Variants in TNRC18 observed in about 807,000 individuals in gnomAD.
TNRC18 encodes trinucleotide repeat-containing gene 18 protein.
A neutral mutation model predicts 226.7 loss-of-function variants in TNRC18; 69 were observed. The ratio of observed to expected loss-of-function variants is 0.30; its 90% CI spans 0.25 to 0.37. TNRC18 has a LOEUF of 0.37. Among genes scored for constraint, TNRC18 ranks in the 10% least tolerant of loss-of-function variants. The pLI, the probability that TNRC18 is intolerant of heterozygous loss-of-function variation, is 1.00. For synonymous variants in TNRC18, 2,449 were observed against 1,927.6 expected (o/e 1.27, Z -7.09); for missense variants, 4,754 against 4,256.6 (o/e 1.12, Z -3.25).
At chr7:5,352,169 G>GGTTTAATAAAAC in intron 16 of TNRC18, 75 bp from the exon 17 acceptor site, 2 of 1,441,640 alleles carry the variant, frequency 1.4e-6, no homozygotes, top group Non-Finnish European at 1.9e-6. Flanking sequence ...TGGTTTTAAT[G>GGTTTAATAAAAC]GTTCTGAGAA....
rs746119050 is a variant in TNRC18, at chr7:5,376,044, G to A, written c.2789C>T (p.Ala930Val). The A allele has an allele frequency of 5.6e-6, 9 of 1,593,550 alleles. No individual in the cohort carries two copies. The highest frequency in any genetic ancestry group is 3.4e-5 in the South Asian group (3 of 87,764). Reference protein sequence around the residue: ...AAQALELQRSAQLVQERLKAQ... With the variant: ...AAQALELQRSVQLVQERLKAQ... ...TCCTCCCCGACTTACCACGAGCTGGGCGCTCCTCTGCAGTTCCAAGGCCTG... is the reference window on the plus strand; with the variant it reads ...TCCTCCCCGACTTACCACGAGCTGGACGCTCCTCTGCAGTTCCAAGGCCTG... Residue 930 changes from alanine (A) to valine (V), a missense_variant, in exon 9 of 30, where the codon GCC becomes GTC. Ala to Val is a moderately conservative substitution (Grantham distance 64). Transcript: ENST00000430969.
Position 5,315,157 on chromosome 7 carries a change from C to A in TNRC18, c.6863-9G>T. 1 of 1,610,118 alleles carries A rather than the reference C, an allele frequency of 6.2e-7. No homozygotes were observed. The highest frequency in any genetic ancestry group is 8.5e-7 in the Non-Finnish European group (1 of 1,178,788). On this transcript the variant is annotated splice_polypyrimidine_tract_variant and intron_variant, in intron 25 of 29. Transcript: ENST00000430969. ...CGGGGACGGCTCAGCACCTGTGGGG[C>A]AGAGGACAGAGTGGCTCATCAGGCC...
At chr7:5,423,003 G>A (rs1048078046) in intron 1 of TNRC18, 1 of 152,244 alleles carries the variant, frequency 6.6e-6, no homozygotes, top group Non-Finnish European at 1.5e-5. Flanking sequence ...CCCTCACACT[G>A]GCAAAGAAGC....
chr7:5,338,636 A>G (rs1185086458), intron 18 of TNRC18, among the ~76,000 whole-genome samples: 1 of 150,526 alleles, frequency 6.6e-6, no homozygotes, highest in East Asian at 2.0e-4. Flanking sequence ...AAAAAAAAAA[A>G]AGAGCTCGGC....
chr7:5,404,842 G>A (rs896229446), intron 2 of TNRC18, among the ~76,000 whole-genome samples: 15 of 151,828 alleles, frequency 9.9e-5, no homozygotes, highest in Non-Finnish European at 1.6e-4. Context: ...GGCGGAGCAC[G>A]GTAGCTCATG....
At chr7:5,316,142 G>GA in intron 24 of TNRC18, 70 bp from the exon 25 acceptor site, 1 of 1,254,824 alleles carries the variant, frequency 8.0e-7, no homozygotes, top group Non-Finnish European at 1.1e-6. Context: ...CAAGGGTCAG[G>GA]ATGGCAGAAA....
In TNRC18 at chr7:5,421,772, G is replaced by A. The variant is rs926926559; in HGVS notation, c.-243-283C>T. 7.9e-5 allele frequency among the ~76,000 whole-genome samples: 12 copies of A among 152,198 alleles called. 1 individual carries two copies. The highest frequency in any genetic ancestry group is 4.6e-4 in the Admixed American group (7 of 15,290). On this transcript the variant is annotated intron_variant, in intron 1 of 29. Transcript: ENST00000430969. Reference sequence around the variant, plus strand: ...CCGGACTCTGCCTCGGCGGCTGCCGGGTCCTCCCGAAACCGGGGAGGGCTC... The same window carrying A: ...CCGGACTCTGCCTCGGCGGCTGCCGAGTCCTCCCGAAACCGGGGAGGGCTC...
At chr7:5,404,432 C>T (rs1438529878) in intron 2 of TNRC18, among the ~76,000 whole-genome samples, 1 of 152,274 alleles carries the variant, frequency 6.6e-6, no homozygotes, top group East Asian at 1.9e-4. Context: ...TAAACTCCAT[C>T]GAAATTTCAA....
intron 18 of TNRC18, among the ~76,000 whole-genome samples, chr7:5,343,168 A>C (rs778651577): frequency 3.9e-5 from 6 of 152,174 alleles, no homozygotes; most frequent in African/African-American, 1.4e-4. Context: ...AGCCTGGCCA[A>C]GATGGGGAAA....
At chr7:5,403,088 G>T (rs978507313) in intron 2 of TNRC18, among the ~76,000 whole-genome samples, 1 of 151,754 alleles carries the variant, frequency 6.6e-6, no homozygotes, top group African/African-American at 2.4e-5. Context: ...CAAAGCAGAA[G>T]CGTCTGTTAG....
chr7:5,415,729 A>G (rs557561810), intron 2 of TNRC18, among the ~76,000 whole-genome samples: 1 of 152,128 alleles, frequency 6.6e-6, no homozygotes, highest in African/African-American at 2.4e-5. Context: ...ATCAGATTAC[A>G]AAACAATATG....
intron 17 of TNRC18, among the ~76,000 whole-genome samples, chr7:5,350,528 A>C (rs753684067): frequency 4.6e-5 from 7 of 152,198 alleles, no homozygotes; most frequent in Non-Finnish European, 1.0e-4. Context: ...CTCAGGGAGT[A>C]GCTGACATCC....
chr7:5,389,119 T>A lies in TNRC18; in HGVS notation c.705A>T (p.Pro235=), dbSNP rs779481007. ...CCTGGGTCAGGTCCACCACGCCCCG[T>A]GGCCCCGAGGCCTCCTCGCCCCGGG... ...PRARGEEASG[P]RGVVDLTQEA... is the part of the protein sequence containing the mutation. Residue 235 remains proline (P), a synonymous_variant, in exon 5 of 30, where the codon CCA becomes CCT. Coordinates refer to ENST00000430969, the MANE Select transcript of TNRC18 (RefSeq NM_001080495.3). 47 of 1,318,026 alleles carry A rather than the reference T, an allele frequency of 3.6e-5. No homozygotes were observed. The East Asian group carries it at 1.6e-3, about 46-fold the overall frequency. The allele number at this position is 1,318,026 out of a possible 1,614,324, so 81.6% of individuals were successfully genotyped here.
At chr7:5,399,616 G>C (rs1330294357) in intron 2 of TNRC18, among the ~76,000 whole-genome samples, 1 of 151,944 alleles carries the variant, frequency 6.6e-6, no homozygotes, top group Non-Finnish European at 1.5e-5. Flanking sequence ...TGAGGCAGGG[G>C]AATTGCTTGA....
chr7:5,314,809 C>G (rs917031442), intron 26 of TNRC18, among the ~76,000 whole-genome samples, 175 bp downstream of exon 26: 1 of 152,098 alleles, frequency 6.6e-6, no homozygotes, highest in African/African-American at 2.4e-5. Context: ...CTGACATCAG[C>G]CGATCTGCTC....
intron 10 of TNRC18, among the ~76,000 whole-genome samples, chr7:5,373,059 G>A (rs545159036): frequency 6.6e-6 from 1 of 152,288 alleles, no homozygotes; most frequent in Admixed American, 6.5e-5. Flanking sequence ...TAGGGAGACT[G>A]AGGCAGGAGA....
Position 5,421,091 on chromosome 7 carries a change from G to C in TNRC18, c.156C>G (p.Tyr52Ter). The C allele has an allele frequency of 6.7e-7, 1 of 1,487,698 alleles. No homozygotes were observed. The highest frequency in any genetic ancestry group is 9.0e-7 in the Non-Finnish European group (1 of 1,109,688). 92.2% of individuals were successfully genotyped at this position (1,487,698 alleles called of 1,614,324 possible). ...GCGGATGGAGATTCAGGCCGGCCATGTACTTCCCGGGCGGCAGCGGGCCGG... is the reference window on the plus strand; with the variant it reads ...GCGGATGGAGATTCAGGCCGGCCATCTACTTCCCGGGCGGCAGCGGGCCGG... ...GLPGPLPPGK[Y>*]MAGLNLHPHP... Residue 52 changes from tyrosine to a stop codon, truncating the protein, a stop_gained, in exon 2 of 30, where the codon TAC becomes TAG. Coordinates refer to ENST00000430969, the MANE Select transcript of TNRC18 (RefSeq NM_001080495.3). LOFTEE classifies it high-confidence loss of function.
At position 5,309,828 on chromosome 7, in the gene TNRC18, T is replaced by G. The variant is rs1235682536; in HGVS notation, c.8389-460A>C. Among the ~76,000 whole-genome samples the G allele has an allele frequency of 6.6e-6, 1 of 152,190 alleles. No homozygotes were observed. Among genetic ancestry groups the G allele is most frequent in the African/African-American group, 2.4e-5 (1 of 41,434 alleles). ...TGTTGCCCAGGATGGTCTCAGACTT[T>G]TGGCCTCAAACCACCCTCCCACCTT... On this transcript the variant is annotated intron_variant, in intron 27 of 29. Coordinates refer to ENST00000430969, the MANE Select transcript of TNRC18 (RefSeq NM_001080495.3). The surrounding 1 kb of genome is among the most constrained non-coding windows in gnomAD (Gnocchi z 5.7).
At chr7:5,348,015 G>C (rs761428112) in intron 17 of TNRC18, among the ~76,000 whole-genome samples, 3 of 152,154 alleles carry the variant, frequency 2.0e-5, no homozygotes, top group Non-Finnish European at 4.4e-5. Context: ...TGCCTCTCTG[G>C]TCGGTGACTT....
Sources: gnomAD v4.1 joint callset for allele counts (sites outside exome capture counted in the v4.1 genomes callset) on GRCh38, gnomAD v4.1.1 for gene constraint, Gnocchi (gnomAD v3.1) non-coding constraint, MANE v1.5 for transcripts, NCBI Gene and HGNC (gene_info 2026-07-23, HGNC 2026-07-21) for gene names.